Variants in ITPRID1 observed in about 807,000 individuals in gnomAD.
The protein encoded by ITPRID1 is ITPR interacting domain containing 1, also known as protein ITPRID1.
ITPRID1 carries 96 observed loss-of-function variants against 95.4 expected under a neutral mutation model. That is an observed-to-expected ratio of 1.01 (90% CI 0.85 to 1.19). The LOEUF (loss-of-function observed/expected upper bound fraction) is 1.19. ITPRID1 is among the 50% of genes most tolerant of loss of function. The pLI is 0.00. For missense variants in ITPRID1, 1,339 were observed against 1,252.9 expected (o/e 1.07, Z -1.04); for synonymous variants, 510 against 453.6 (o/e 1.12, Z -1.58).
At chr7:31,636,053 A>C (rs1368073390) in intron 10 of ITPRID1, among the ~76,000 whole-genome samples, 1 of 152,168 alleles carries the variant, frequency 6.6e-6, no homozygotes, top group Non-Finnish European at 1.5e-5. Flanking sequence ...AGCAGGAGAG[A>C]GAATGAGAGC....
intron 5 of ITPRID1, among the ~76,000 whole-genome samples, chr7:31,562,281 A>G (rs1273241392): frequency 3.3e-5 from 5 of 152,282 alleles, no homozygotes; most frequent in African/African-American, 7.2e-5. Flanking sequence ...CACTTGTTTA[A>G]CAACACATCC....
At chr7:31,577,624 T>C (rs1352786052) in intron 8 of ITPRID1, among the ~76,000 whole-genome samples, 2 of 152,192 alleles carry the variant, frequency 1.3e-5, no homozygotes, top group East Asian at 3.9e-4. Flanking sequence ...TAGTTATGCG[T>C]ATTCAACTAA....
At position 31,651,271 on chromosome 7, in the gene ITPRID1, T is replaced by G. The variant is rs200108896; in HGVS notation, c.2711+2T>G. ...CAGGGACATGTCAGAGGAGGAAAGG[T>G]AATTACCTAAGGGAGCCATAAAAGT... On this transcript the variant is annotated splice_donor_variant, in intron 13 of 14. Coordinates refer to ENST00000615280, the MANE Select transcript of ITPRID1 (RefSeq NM_001257967.3). LOFTEE classifies it high-confidence loss of function. 62 of 1,612,312 alleles carry G rather than the reference T, an allele frequency of 3.8e-5. No individual in the cohort carries two copies. In the African/African-American group the frequency reaches 6.4e-4, roughly 17 times the overall value.
At chr7:31,632,667 G>A (rs1279892412) in intron 10 of ITPRID1, among the ~76,000 whole-genome samples, 1 of 152,144 alleles carries the variant, frequency 6.6e-6, no homozygotes, top group Non-Finnish European at 1.5e-5. Flanking sequence ...GTGTATGGAA[G>A]TGAAATCTAG....
chr7:31,563,761 G>T (rs1784702600), intron 5 of ITPRID1, among the ~76,000 whole-genome samples: 1 of 152,052 alleles, frequency 6.6e-6, no homozygotes, highest in African/African-American at 2.4e-5. Flanking sequence ...ACAATAGGGG[G>T]CGGCAGTGGA....
rs1554279824 is a variant in ITPRID1 at position 31,519,620 on chromosome 7, C to CCATATATATATATATATATATATATA, written c.-98+5500_-98+5501insCATATATATATATATATATATATATA. On this transcript the variant is annotated intron_variant, in intron 1 of 14. Coordinates refer to ENST00000615280, the MANE Select transcript of ITPRID1 (RefSeq NM_001257967.3). The stretch of plus-strand genomic sequence containing the variant: ...TCTCTCTCTCTCTCTCTCTCTCTCT[C>CCATATATATATATATATATATATATA]TATATATATATATATATATATATAT... Among the ~76,000 whole-genome samples the CCATATATATATATATATATATATATA allele has an allele frequency of 5.1e-3, 129 of 25,266 alleles. 6 individuals are homozygous for CCATATATATATATATATATATATATA. Among genetic ancestry groups the CCATATATATATATATATATATATATA allele is most frequent in the Non-Finnish European group, 7.2e-3 (99 of 13,726 alleles). 16.6% of individuals were successfully genotyped at this position (25,266 alleles called of 152,430 possible).
chr7:31,655,985 C>G lies in ITPRID1; in HGVS notation c.*3156C>G. The G allele has an allele frequency of 1.0e-6, 1 of 985,420 alleles. No individual in the cohort carries two copies. Among genetic ancestry groups the G allele is most frequent in the Non-Finnish European group, 1.2e-6 (1 of 829,912 alleles). The allele number at this position is 985,420 out of a possible 1,614,324, so 61.0% of individuals were successfully genotyped here. A position where few individuals can be genotyped will look rare whatever the true frequency, so the allele number is the denominator to read the frequency against. The stretch of plus-strand genomic sequence containing the variant: ...CCAATTCTATTCCCCTAAACCACCT[C>G]CTGTGTTCCTGCTTCCTCTCCTTTG... On this transcript the variant is annotated 3_prime_UTR_variant, in exon 15 of 15. Transcript: ENST00000615280.
chr7:31,589,040 TCAG>T (rs935986264), intron 10 of ITPRID1, among the ~76,000 whole-genome samples: 1 of 151,992 alleles, frequency 6.6e-6, no homozygotes, highest in Non-Finnish European at 1.5e-5. Context: ...GATGTTCTAA[TCAG>T]CAGATAGGGA....
At chr7:31,558,256 C>T (rs957308216) in intron 5 of ITPRID1, among the ~76,000 whole-genome samples, 2 of 152,164 alleles carry the variant, frequency 1.3e-5, no homozygotes, top group African/African-American at 4.8e-5. Context: ...AAATAAACTT[C>T]TTTTCTTTAT....
chr7:31,657,887 G>A (rs1480842032), downstream of ITPRID1, among the ~76,000 whole-genome samples: 1 of 152,090 alleles, frequency 6.6e-6, no homozygotes, highest in Non-Finnish European at 1.5e-5. Flanking sequence ...ATCACACTAA[G>A]TGATTATTTT....
In ITPRID1 at chr7:31,603,218, A is replaced by T. The variant is rs116182498; in HGVS notation, c.1228+20027A>T. 8.1e-3 allele frequency among the ~76,000 whole-genome samples: 1,237 copies of T among 152,208 alleles called. 19 individuals carry two copies. The highest frequency in any genetic ancestry group is 0.028 in the African/African-American group (1,159 of 41,516). ...CTCCATCTGGCACATTATGACATGG[A>T]ACCTCACTATTAACACATTTGTGAT... is the stretch of plus-strand genomic sequence containing the variant. On this transcript the variant is annotated intron_variant, in intron 10 of 14. Coordinates refer to ENST00000615280, the MANE Select transcript of ITPRID1 (RefSeq NM_001257967.3).
chr7:31,539,831 A>C (rs1783874565), intron 1 of ITPRID1, among the ~76,000 whole-genome samples: 1 of 151,808 alleles, frequency 6.6e-6, no homozygotes, highest in South Asian at 2.1e-4. Context: ...TCTCTGGTTG[A>C]AGGGGAGGTT....
chr7:31,627,188 C>T (rs1038146802), intron 10 of ITPRID1, among the ~76,000 whole-genome samples: 2 of 152,308 alleles, frequency 1.3e-5, no homozygotes, highest in Non-Finnish European at 2.9e-5. Context: ...GTTGTCCATG[C>T]AGTGCCTGGC....
At chr7:31,525,057 A>G (rs1050674975) in intron 1 of ITPRID1, among the ~76,000 whole-genome samples, 3 of 152,206 alleles carry the variant, frequency 2.0e-5, no homozygotes, top group South Asian at 2.1e-4. Flanking sequence ...TACACATACA[A>G]TCATAAAACA....
At chr7:31,552,193 G>A (rs1784303660) in intron 2 of ITPRID1, among the ~76,000 whole-genome samples, 2 of 142,894 alleles carry the variant, frequency 1.4e-5, no homozygotes, top group African/African-American at 4.9e-5. Flanking sequence ...GATACTTTTT[G>A]TGCAAGGTGT....
At chr7:31,635,782 G>GC (rs972718834) in intron 10 of ITPRID1, among the ~76,000 whole-genome samples, 4 of 152,026 alleles carry the variant, frequency 2.6e-5, no homozygotes, top group Admixed American at 2.6e-4. Context: ...TAAGGGGAGG[G>GC]CGGGGGTCAG....
chr7:31,578,164 C>A lies in ITPRID1; in HGVS notation c.900C>A (p.Thr300=). 1 of 1,613,778 alleles carries A rather than the reference C, an allele frequency of 6.2e-7. No individual in the cohort carries two copies. Among genetic ancestry groups the A allele is most frequent in the South Asian group, 1.1e-5 (1 of 91,068 alleles). ...ATTGTGGAGCAGAGCTAGCAGCAACCTCAATCAACCACAAGCAAAATCATT... is the reference window on the plus strand; with the variant it reads ...ATTGTGGAGCAGAGCTAGCAGCAACATCAATCAACCACAAGCAAAATCATT... ...PWDCGAELAA[T]SINHKQNHLS... The change falls in exon 9 of 15, where the codon ACC becomes ACA. Residue 300 remains threonine, a synonymous_variant. Coordinates refer to ENST00000615280, the MANE Select transcript of ITPRID1 (RefSeq NM_001257967.3).
chr7:31,620,194 A>G (rs537249989), intron 10 of ITPRID1, among the ~76,000 whole-genome samples: 172 of 152,068 alleles, frequency 1.1e-3, no homozygotes, highest in African/African-American at 4.0e-3. Flanking sequence ...CAGACAAACA[A>G]AAAGACAGCA....
intron 11 of ITPRID1, 74 bp downstream of exon 11, chr7:31,642,332 C>G (rs745688655): frequency 5.0e-6 from 5 of 1,009,726 alleles, no homozygotes; most frequent in Non-Finnish European, 7.3e-6. Flanking sequence ...CAGGCTGCCA[C>G]CCAAACCTCA....
Sources: gnomAD v4.1 joint callset for allele counts (sites outside exome capture counted in the v4.1 genomes callset) on GRCh38, gnomAD v4.1.1 for gene constraint, MANE v1.5 for transcripts, NCBI Gene and HGNC (gene_info 2026-07-23, HGNC 2026-07-21) for gene names.